LEO1: variants seen among roughly 807,000 people sequenced by gnomAD.
LEO1 encodes RNA polymerase-associated protein LEO1.
LEO1 carries 34 observed loss-of-function variants against 80.4 expected under a neutral mutation model. The observed-to-expected ratio is 0.42, with a 90% CI of 0.32 to 0.56. The LOEUF is 0.56. Among genes scored for constraint, LEO1 ranks in the 20% least tolerant of loss-of-function variants. LEO1 has a pLI of 0.10. For synonymous variants in LEO1, 262 were observed against 274.9 expected (o/e 0.95, Z 0.46); for missense variants, 631 against 814.2 (o/e 0.77, Z 2.74).
intron 2 of LEO1, among the ~76,000 whole-genome samples, chr15:51,964,105 C>G (rs2057054958): frequency 6.6e-6 from 1 of 151,532 alleles, no homozygotes; most frequent in African/African-American, 2.4e-5. Context: ...ACTCGGGAGG[C>G]TGAGGCAGGA....
At position 51,943,430 on chromosome 15, in the gene LEO1, A is replaced by C. The variant is rs147068505; in HGVS notation, c.1896+3862T>G. 3.6e-3 allele frequency among the ~76,000 whole-genome samples: 532 copies of C among 149,704 alleles called. 4 individuals carry two copies. Among genetic ancestry groups the C allele is most frequent in the African/African-American group, 0.012 (504 of 40,692 alleles). ...ATAAATTTAAAAATAGGCTAGGCACAGTGGCTCACACCTGTAATCCCAGCA... is the reference window on the plus strand; with the variant it reads ...ATAAATTTAAAAATAGGCTAGGCACCGTGGCTCACACCTGTAATCCCAGCA... On this transcript the variant is annotated intron_variant, in intron 11 of 11. Coordinates refer to ENST00000299601, the MANE Select transcript of LEO1 (RefSeq NM_138792.4).
intron 8 of LEO1, among the ~76,000 whole-genome samples, chr15:51,952,778 AT>A (rs1012715095): frequency 1.3e-5 from 2 of 152,214 alleles, no homozygotes; most frequent in African/African-American, 4.8e-5. Flanking sequence ...ACCTCTAGTT[AT>A]TAGTCTCCCA....
chr15:51,938,305 A>AT, intron 11 of LEO1, 45 bp from the exon 12 acceptor site: 1 of 1,148,372 alleles, frequency 8.7e-7, no homozygotes, highest in Non-Finnish European at 1.3e-6. Context: ...AATAAAGAAC[A>AT]TTTTTAGGAT....
chr15:51,958,633 A>G, intron 6 of LEO1, 109 bp downstream of exon 6: 2 of 688,206 alleles, frequency 2.9e-6, no homozygotes, highest in Admixed American at 2.8e-5. Context: ...ACACAGCCAT[A>G]TAGTGAAGTG....
In LEO1 at chr15:51,938,061, C is replaced by G. The variant is rs2056815787; in HGVS notation, c.*95G>C. On this transcript the variant is annotated 3_prime_UTR_variant, in exon 12 of 12. Transcript: ENST00000299601. ...TTGTTTTATTACAATTAAAATTACA[C>G]AAAAGCAAATCGATTCATTTCAATC... The G allele has an allele frequency of 3.1e-6, 2 of 655,490 alleles. No individual in the cohort carries two copies. The highest frequency in any genetic ancestry group is 3.2e-5 in the Admixed American group (1 of 31,054). 40.6% of individuals were successfully genotyped at this position (655,490 alleles called of 1,614,324 possible). A position where few individuals can be genotyped will look rare whatever the true frequency, so the allele number is the denominator to read the frequency against.
intron 2 of LEO1, 74 bp from the exon 3 acceptor site, chr15:51,962,567 G>A: frequency 1.0e-6 from 1 of 987,336 alleles, no homozygotes; most frequent in South Asian, 1.4e-5. Context: ...AGCAATATTG[G>A]AGATAAACAA....
intron 6 of LEO1, among the ~76,000 whole-genome samples, chr15:51,955,859 T>C (rs2623255): frequency 0.43 from 65,894 of 152,014 alleles, 14,479 homozygotes; most frequent in Admixed American, 0.52. Flanking sequence ...AGTGTGCTGA[T>C]TGAATAACTC....
chr15:51,968,507 T>C (rs1352041857), intron 1 of LEO1, among the ~76,000 whole-genome samples: 2 of 148,748 alleles, frequency 1.3e-5, no homozygotes, highest in African/African-American at 5.0e-5. Context: ...TGCCACTGCA[T>C]GAAAGGGGAG....
At chr15:51,958,881 G>T in intron 5 of LEO1, 55 bp from the exon 6 acceptor site, 1 of 872,644 alleles carries the variant, frequency 1.1e-6, no homozygotes, top group Non-Finnish European at 1.8e-6. Flanking sequence ...GAATATTACT[G>T]CTATGTAATA....
chr15:51,948,042 T>C (rs2056917145), intron 10 of LEO1, among the ~76,000 whole-genome samples: 1 of 152,172 alleles, frequency 6.6e-6, no homozygotes, highest in South Asian at 2.1e-4. Context: ...CAAAATGAGT[T>C]TGAAGGTAAA....
At chr15:51,969,574 G>A (rs9744506) in intron 1 of LEO1, among the ~76,000 whole-genome samples, 200 of 151,798 alleles carry the variant, frequency 1.3e-3, no homozygotes, top group Non-Finnish European at 2.6e-3. Context: ...GGCAAAGGCA[G>A]GAGAATCGCT....
rs2056963249 is a variant in LEO1, at chr15:51,953,263, G to A, written c.1341C>T (p.Ser447=). 6.2e-7 allele frequency: 1 copy of A among 1,611,934 alleles called. No individual in the cohort carries two copies. The highest frequency in any genetic ancestry group is 8.5e-7 in the Non-Finnish European group (1 of 1,179,282). Residue 447 remains serine, a splice_region_variant and synonymous_variant, in exon 8 of 12, where the codon AGC becomes AGT. Coordinates refer to ENST00000299601, the MANE Select transcript of LEO1 (RefSeq NM_138792.4). ...NARIVKWSDG[S]MSLHLGNEVF... ...CTTCATTGCCTAAATGCAGGGACAT[G>A]CTGGAAAGAGAAACATTTCATCTAT...
intron 3 of LEO1, among the ~76,000 whole-genome samples, chr15:51,961,546 C>T (rs1436819925): frequency 6.6e-6 from 1 of 152,060 alleles, no homozygotes; most frequent in East Asian, 2.0e-4. Flanking sequence ...ATGCACACCA[C>T]CTCGCCCCGC....
rs768248797 is a variant in LEO1, at chr15:51,947,302, G to A, written c.1886C>T (p.Thr629Ile). ...AQRLLKAKKLTSDEEGEPSGK... is the reference protein window; with the variant it reads ...AQRLLKAKKLISDEEGEPSGK... ...TAAATTTGGTCTTACCTCATCACTG[G>A]TAAGTTTCTTTGCTTTGAGTAATCT... The change falls in exon 11 of 12, where the codon ACC becomes ATC. Residue 629 changes from threonine (T) to isoleucine (I), a missense_variant. By Grantham distance (89) the Thr-to-Ile change is moderately conservative (BLOSUM62 -1). Coordinates refer to ENST00000299601, the MANE Select transcript of LEO1 (RefSeq NM_138792.4). 2 of 1,610,478 alleles carry A rather than the reference G, an allele frequency of 1.2e-6. No homozygotes were observed. Among genetic ancestry groups the A allele is most frequent in the East Asian group, 2.2e-5 (1 of 44,886 alleles).
chr15:51,971,633 C>G (rs1388190371), intron 1 of LEO1, 55 bp downstream of exon 1: 14 of 1,578,096 alleles, frequency 8.9e-6, no homozygotes, highest in Non-Finnish European at 1.2e-5. Flanking sequence ...GGTTGTCCGG[C>G]TCCCACAGCG....
Position 51,971,674 on chromosome 15 carries a change from A to G in LEO1, c.58+14T>C, listed in dbSNP as rs762379824. ...CCTGCCACGCACCCATCCTCCGAAG[A>G]CCAGCGAACCCACCTTTACGCTCAG... On this transcript the variant is annotated intron_variant, in intron 1 of 11. Transcript: ENST00000299601. 1 of 1,613,692 alleles carries G rather than the reference A, an allele frequency of 6.2e-7. No homozygotes were observed. Among genetic ancestry groups the G allele is most frequent in the Non-Finnish European group, 8.5e-7 (1 of 1,179,704 alleles).
At chr15:51,954,726 T>A in intron 6 of LEO1, 151 bp from the exon 7 acceptor site, 1 of 612,386 alleles carries the variant, frequency 1.6e-6, no homozygotes, top group Non-Finnish European at 2.9e-6. Context: ...AAACCCTCTT[T>A]AATCACCTAG....
Position 51,941,565 on chromosome 15 carries a change from C to A in LEO1, c.1897-3305G>T, listed in dbSNP as rs76739606. 7.1e-3 allele frequency among the ~76,000 whole-genome samples: 1,077 copies of A among 152,288 alleles called. 15 individuals are homozygous for A. The highest frequency in any genetic ancestry group is 0.025 in the African/African-American group (1,039 of 41,570). On this transcript the variant is annotated intron_variant, in intron 11 of 11. Coordinates refer to ENST00000299601, the MANE Select transcript of LEO1 (RefSeq NM_138792.4). Reference sequence around the variant, plus strand: ...TCTCCTTTCCACTGTCTCCATGTTTCTTTCAGCTTGGGTCTTTCCCTTTTC... The same window carrying A: ...TCTCCTTTCCACTGTCTCCATGTTTATTTCAGCTTGGGTCTTTCCCTTTTC...
Position 51,966,169 on chromosome 15 carries a change from C to A in LEO1, c.394G>T (p.Ala132Ser), listed in dbSNP as rs1470635510. Residue 132 changes from alanine (A) to serine (S), a missense_variant, in exon 2 of 12, where the codon GCA becomes TCA. Ala to Ser is a moderately conservative substitution (Grantham distance 99). Coordinates refer to ENST00000299601, the MANE Select transcript of LEO1 (RefSeq NM_138792.4). The stretch of plus-strand genomic sequence containing the variant: ...GAATGTGCTTTTTCAGAACCTTCTG[C>A]TTCTGAATGATGGCTCCCTCCATCC... ...RSDGGSHHSE[A>S]EGSEKAHSDD... 1 of 1,613,948 alleles carries A rather than the reference C, an allele frequency of 6.2e-7. No homozygotes were observed. Among genetic ancestry groups the A allele is most frequent in the African/African-American group, 1.3e-5 (1 of 75,038 alleles).
Sources: gnomAD v4.1 joint callset for allele counts (sites outside exome capture counted in the v4.1 genomes callset) on GRCh38, gnomAD v4.1.1 for gene constraint, MANE v1.5 for transcripts, NCBI Gene and HGNC (gene_info 2026-07-23, HGNC 2026-07-21) for gene names.